Variants in AMMECR1 observed in about 807,000 individuals in gnomAD.
AMMECR1 encodes AMMECR nuclear protein 1, also known as nuclear protein AMMECR1.
In AMMECR1, 3 loss-of-function variants were observed where a neutral mutation model predicts 22.5. The ratio of observed to expected loss-of-function variants is 0.13; its 90% confidence interval spans 0.06 to 0.35. The LOEUF is 0.35. Among genes scored for constraint, AMMECR1 ranks in the 10% least tolerant of loss-of-function variants. The pLI is 1.00. For synonymous variants in AMMECR1, 130 were observed against 116.7 expected, an observed-to-expected ratio of 1.11 and a Z score of -0.74; for missense variants, 235 against 278.7, an observed-to-expected ratio of 0.84 and a Z score of 1.12.
intron 1 of AMMECR1, among the ~76,000 whole-genome samples, chrX:110,438,064 T>G (rs953567260): frequency 4.5e-5 from 5 of 111,778 alleles, no homozygotes; most frequent in Non-Finnish European, 9.4e-5. Flanking sequence ...CTTCCCTTTC[T>G]GCCAACAGAG....
intron 2 of AMMECR1, among the ~76,000 whole-genome samples, chrX:110,354,031 A>G (rs937152956): frequency 1.3e-4 from 15 of 112,517 alleles, no homozygotes; most frequent in African/African-American, 4.8e-4. Context: ...ACACAAATAT[A>G]TGGAAAGATA....
chrX:110,419,834 GAAAT>G (rs1240348692), intron 2 of AMMECR1, among the ~76,000 whole-genome samples: 1 of 112,355 alleles, frequency 8.9e-6, no homozygotes, highest in Non-Finnish European at 1.9e-5. Context: ...TTAAACAAAA[GAAAT>G]AAAAAGCATA....
At chrX:110,407,280 T>C (rs1025847176) in intron 2 of AMMECR1, among the ~76,000 whole-genome samples, 4 of 110,979 alleles carry the variant, frequency 3.6e-5, no homozygotes, top group African/African-American at 1.3e-4. Context: ...GTGAAGAGAG[T>C]CCTTGAGATT....
intron 2 of AMMECR1, among the ~76,000 whole-genome samples, chrX:110,382,164 A>G (rs1339580696): frequency 8.9e-6 from 1 of 111,892 alleles, no homozygotes; most frequent in Non-Finnish European, 1.9e-5. Context: ...TTGTTTTTCA[A>G]TACTTTAGTG....
chrX:110,374,900 A>C (rs749620535), intron 2 of AMMECR1, among the ~76,000 whole-genome samples: 1 of 111,330 alleles, frequency 9.0e-6, no homozygotes, highest in South Asian at 3.8e-4. Context: ...GAGTGTCTGC[A>C]TATGATATTA....
intron 3 of AMMECR1, 27 bp from the exon 4 acceptor site, chrX:110,202,563 TAC>T (rs765510526): frequency 1.1e-6 from 1 of 946,288 alleles, no homozygotes; most frequent in African/African-American, 1.9e-5. Context: ...GTTTTATTAG[TAC>T]AGTCTTCTTC....
chrX:110,437,693 G>A (rs1320920651), intron 1 of AMMECR1, among the ~76,000 whole-genome samples: 2 of 111,729 alleles, frequency 1.8e-5, no homozygotes, highest in Non-Finnish European at 3.8e-5. Flanking sequence ...TTCAATGCGG[G>A]TATCAGAGGA....
At chrX:110,420,231 G>A (rs895036149) in intron 2 of AMMECR1, among the ~76,000 whole-genome samples, 2 of 112,324 alleles carry the variant, frequency 1.8e-5, no homozygotes, top group Non-Finnish European at 3.8e-5. Flanking sequence ...TAGACGAGGA[G>A]CTTCTCAAGT....
chrX:110,334,587 T>C (rs1165190989), intron 2 of AMMECR1, among the ~76,000 whole-genome samples: 2 of 112,144 alleles, frequency 1.8e-5, no homozygotes, highest in African/African-American at 6.5e-5. Flanking sequence ...TTGCCTGTAT[T>C]GAGATATGTT....
At chrX:110,339,699 T>C (rs1359602859) in intron 2 of AMMECR1, among the ~76,000 whole-genome samples, 2 of 110,176 alleles carry the variant, frequency 1.8e-5, no homozygotes, top group Non-Finnish European at 3.8e-5. Flanking sequence ...TTTCTCCATA[T>C]TGGTCAGGCT....
intron 2 of AMMECR1, among the ~76,000 whole-genome samples, chrX:110,234,759 G>A (rs1465677208): frequency 9.0e-6 from 1 of 111,517 alleles, no homozygotes; most frequent in Non-Finnish European, 1.9e-5. Context: ...AATGGTGCTG[G>A]GAAAACTGGC....
At chrX:110,326,134 T>G (rs2068096842) in intron 2 of AMMECR1, among the ~76,000 whole-genome samples, 2 of 110,677 alleles carry the variant, frequency 1.8e-5, no homozygotes, top group Non-Finnish European at 3.8e-5. Context: ...GGATTCCAGG[T>G]GTGCATCACC....
At chrX:110,416,624 A>G in intron 2 of AMMECR1, among the ~76,000 whole-genome samples, 1 of 111,989 alleles carries the variant, frequency 8.9e-6, no homozygotes, top group East Asian at 2.8e-4. Flanking sequence ...CTGTCTGCAT[A>G]GCTCTGGCTC....
chrX:110,292,358 GTATTTACCCA>G (rs2148213535), intron 1 of AMMECR1, among the ~76,000 whole-genome samples: 1 of 111,173 alleles, frequency 9.0e-6, no homozygotes, highest in Non-Finnish European at 1.9e-5. Flanking sequence ...ATGCTCCTTC[GTATTTACCCA>G]AAGGAGCTGA....
chrX:110,273,461 T>A, intron 1 of AMMECR1, among the ~76,000 whole-genome samples: 1 of 112,377 alleles, frequency 8.9e-6, no homozygotes, highest in Non-Finnish European at 1.9e-5. Context: ...CTGTTTACTC[T>A]GTTGATTATT....
chrX:110,364,619 G>A (rs191861487), intron 2 of AMMECR1, among the ~76,000 whole-genome samples: 127 of 111,716 alleles, frequency 1.1e-3, no homozygotes, highest in Middle Eastern at 9.1e-3. Context: ...GTCCCCTAGA[G>A]CCTGATCAAT....
At chrX:110,341,008 A>T (rs1408842671) in intron 2 of AMMECR1, among the ~76,000 whole-genome samples, 3 of 112,668 alleles carry the variant, frequency 2.7e-5, no homozygotes, top group African/African-American at 9.7e-5. Context: ...TATTCCAAAG[A>T]TGCTACTATT....
intron 1 of AMMECR1, among the ~76,000 whole-genome samples, chrX:110,432,649 G>A (rs953268349): frequency 1.8e-5 from 2 of 112,004 alleles, no homozygotes; most frequent in Non-Finnish European, 1.9e-5. Context: ...TGAGGATCCC[G>A]AAAGACAGAG....
intron 2 of AMMECR1, among the ~76,000 whole-genome samples, chrX:110,217,222 A>G (rs946871491): frequency 9.1e-6 from 1 of 109,927 alleles, no homozygotes; most frequent in Admixed American, 9.7e-5. Flanking sequence ...AAAAGAAATA[A>G]TCATGCAAAT....
Sources: allele counts gnomAD v4.1 joint callset (sites outside exome capture counted in the v4.1 genomes callset), GRCh38; gene constraint gnomAD v4.1.1; transcripts MANE v1.5; gene names NCBI Gene and HGNC (gene_info 2026-07-23, HGNC 2026-07-21).